The following ANKRD55 variants were observed in gnomAD, a reference collection of about 807,000 sequenced individuals.
ANKRD55 encodes ankyrin repeat domain-containing protein 55.
In ANKRD55, 41 loss-of-function variants were observed where a neutral mutation model predicts 60.6. That is an observed-to-expected ratio of 0.68 (90% CI 0.53 to 0.88). ANKRD55 has a LOEUF of 0.88. Ranked by LOEUF, ANKRD55 falls within the 40% of genes least tolerant of loss-of-function variation. The pLI is 0.00. For synonymous variants in ANKRD55, 264 were observed against 290.3 expected (o/e 0.91, Z 0.92); for missense variants, 732 against 767.6 (o/e 0.95, Z 0.55).
chr5:56,204,104 T>C (rs777241723), intron 2 of ANKRD55, among the ~76,000 whole-genome samples: 12 of 152,208 alleles, frequency 7.9e-5, no homozygotes, highest in Non-Finnish European at 1.8e-4. Flanking sequence ...TTTTTTCATG[T>C]TTTTTGACTG....
At chr5:56,189,380 C>T (rs931541685) in intron 2 of ANKRD55, among the ~76,000 whole-genome samples, 1 of 151,490 alleles carries the variant, frequency 6.6e-6, no homozygotes, top group African/African-American at 2.4e-5. Flanking sequence ...AGTGTACTTA[C>T]AGTTCAATTG....
chr5:56,172,351 G>T lies in ANKRD55; in HGVS notation c.313-1548C>A, dbSNP rs548011405. Reference sequence around the variant, plus strand: ...TTCCAGTCTTGAGTCATAGTTTACTGATGCATTAAATCTGTTTCTAGTTGT... The same window carrying T: ...TTCCAGTCTTGAGTCATAGTTTACTTATGCATTAAATCTGTTTCTAGTTGT... On this transcript the variant is annotated intron_variant, in intron 4 of 11. Coordinates refer to ENST00000341048, the MANE Select transcript of ANKRD55 (RefSeq NM_024669.3). 2.1e-4 allele frequency among the ~76,000 whole-genome samples: 32 copies of T among 152,198 alleles called. No individual in the cohort carries two copies. In the South Asian group the frequency reaches 6.6e-3, roughly 32 times the overall value.
At chr5:56,137,074 G>T in intron 7 of ANKRD55, 2 of 854,978 alleles carry the variant, frequency 2.3e-6, no homozygotes, top group Non-Finnish European at 4.1e-6. Flanking sequence ...CTTGTGAAAT[G>T]CCCAGGCCAT....
At chr5:56,137,329 A>G (rs1757633199) in intron 7 of ANKRD55, 3 of 1,529,154 alleles carry the variant, frequency 2.0e-6, no homozygotes, top group Non-Finnish European at 2.7e-6. Context: ...GAGCATATCC[A>G]TGGGAACAAA....
Position 56,163,063 on chromosome 5 carries a change from T to A in ANKRD55, c.423-3170A>T, listed in dbSNP as rs1758371487. On this transcript the variant is annotated intron_variant, in intron 5 of 11. Transcript: ENST00000341048. ...CTCTGTCATGGCTGTGACTGATATG[T>A]GATGATCTATGTGGCCCAACTCCAC... is the stretch of plus-strand genomic sequence containing the variant. 2.6e-5 allele frequency among the ~76,000 whole-genome samples: 4 copies of A among 152,172 alleles called. No individual in the cohort carries two copies. The South Asian group carries it at 8.3e-4, about 32-fold the overall frequency.
chr5:56,151,289 A>G (rs925306716), intron 6 of ANKRD55, among the ~76,000 whole-genome samples: 2 of 152,224 alleles, frequency 1.3e-5, no homozygotes, highest in African/African-American at 4.8e-5. Flanking sequence ...TCTAATTGGT[A>G]TAAAATTTTA....
At chr5:56,223,784 G>A (rs902983738) in intron 2 of ANKRD55, among the ~76,000 whole-genome samples, 1 of 152,062 alleles carries the variant, frequency 6.6e-6, no homozygotes, top group African/African-American at 2.4e-5. Flanking sequence ...TAAACAAGAA[G>A]AGCTATCCTA....
intron 6 of ANKRD55, chr5:56,146,617 T>A (rs1459905935): frequency 6.6e-6 from 1 of 151,330 alleles, no homozygotes; most frequent in African/African-American, 2.4e-5. Context: ...CTTTTTAAAA[T>A]CATACACAGA....
intron 7 of ANKRD55, among the ~76,000 whole-genome samples, chr5:56,135,319 CT>C (rs1254038694): frequency 7.2e-5 from 1 of 13,838 alleles, no homozygotes; most frequent in Admixed American, 5.9e-4. Flanking sequence ...TTCTTTCTTT[CT>C]TTCTTTCTTT....
rs1425415082 is a variant in ANKRD55 at position 56,111,645 on chromosome 5, T to C, written c.1103A>G (p.Asp368Gly). The change falls in exon 10 of 12, where the codon GAC becomes GGC. Residue 368 changes from aspartate to glycine, a missense_variant. Physicochemically the swap from Asp to Gly is moderately conservative, Grantham distance 94. Around this residue, in one of 3 missense-constraint regions of ANKRD55, gnomAD observed 597 missense variants for 607.5 expected, o/e 0.98. Coordinates refer to ENST00000341048, the MANE Select transcript of ANKRD55 (RefSeq NM_024669.3). Reference sequence around the variant, plus strand: ...TGAGGTGTCCTCCTCTCTGTATCGGTCCCTGCTGGGATCCTTCTGATGGGC... The same window carrying C: ...TGAGGTGTCCTCCTCTCTGTATCGGCCCCTGCTGGGATCCTTCTGATGGGC... ...QRAHQKDPSR[D>G]RYREEDTSEV... 6.5e-7 allele frequency: 1 copy of C among 1,547,854 alleles called. No homozygotes were observed. The highest frequency in any genetic ancestry group is 1.4e-5 in the African/African-American group (1 of 72,354).
At chr5:56,187,508 G>T (rs1162844944) in intron 2 of ANKRD55, among the ~76,000 whole-genome samples, 1 of 152,234 alleles carries the variant, frequency 6.6e-6, no homozygotes, top group African/African-American at 2.4e-5. Flanking sequence ...TCTGGTCCGT[G>T]TTTGTTACGG....
chr5:56,163,170 C>T (rs925553703), intron 5 of ANKRD55, among the ~76,000 whole-genome samples: 1 of 152,158 alleles, frequency 6.6e-6, no homozygotes, highest in African/African-American at 2.4e-5. Flanking sequence ...TGCATTCTTG[C>T]CCTCACTCTG....
chr5:56,176,591 G>C (rs1176689114), intron 3 of ANKRD55, among the ~76,000 whole-genome samples: 1 of 152,100 alleles, frequency 6.6e-6, no homozygotes, highest in African/African-American at 2.4e-5. Flanking sequence ...GATTTATCCT[G>C]ACTTGGCTTG....
intron 5 of ANKRD55, among the ~76,000 whole-genome samples, chr5:56,168,396 C>T (rs1263994075): frequency 2.6e-5 from 4 of 152,156 alleles, no homozygotes; most frequent in African/African-American, 9.7e-5. Flanking sequence ...TCTCATTAGT[C>T]ACTTAGGAGA....
At chr5:56,101,926 A>T (rs1756288226) in intron 11 of ANKRD55, among the ~76,000 whole-genome samples, 1 of 152,206 alleles carries the variant, frequency 6.6e-6, no homozygotes. Flanking sequence ...ACATTAAATA[A>T]TACATGTAAA....
intron 2 of ANKRD55, among the ~76,000 whole-genome samples, chr5:56,211,148 T>A (rs1185359895): frequency 1.3e-5 from 2 of 152,190 alleles, no homozygotes; most frequent in Admixed American, 6.5e-5. Context: ...TGGTAGCACA[T>A]CTGAAGGAAT....
chr5:56,227,513 C>A (rs548916421), intron 2 of ANKRD55, among the ~76,000 whole-genome samples: 4 of 152,098 alleles, frequency 2.6e-5, no homozygotes, highest in South Asian at 4.2e-4. Context: ...AACAAAAAAA[C>A]CCCTGCACAT....
intron 5 of ANKRD55, among the ~76,000 whole-genome samples, chr5:56,166,199 T>TTCCGTC (rs769664867): frequency 2.1e-5 from 2 of 96,062 alleles, no homozygotes; most frequent in African/African-American, 5.8e-5. Flanking sequence ...CCTTCCTTCC[T>TTCCGTC]TCTCTCTCTC....
At chr5:56,161,098 C>T (rs1758318686) in intron 5 of ANKRD55, among the ~76,000 whole-genome samples, 1 of 152,018 alleles carries the variant, frequency 6.6e-6, no homozygotes, top group Non-Finnish European at 1.5e-5. Context: ...GAGTGCTTAA[C>T]CCCAGAAGTT....
Sources: allele counts gnomAD v4.1 joint callset (sites outside exome capture counted in the v4.1 genomes callset), GRCh38; gene constraint gnomAD v4.1.1; regional missense constraint gnomAD v4.1.1; transcripts MANE v1.5; gene names NCBI Gene and HGNC (gene_info 2026-07-23, HGNC 2026-07-21).